PTPRR: variants seen among roughly 807,000 people sequenced by gnomAD.
PTPRR encodes the protein receptor-type tyrosine-protein phosphatase R.
A neutral mutation model predicts 77.2 loss-of-function variants in PTPRR; 38 were observed. The ratio of observed to expected loss-of-function variants is 0.49; its 90% CI spans 0.38 to 0.65. The LOEUF (loss-of-function observed/expected upper bound fraction) is 0.65, where lower values mean the gene tolerates loss of function less well. Among genes scored for constraint, PTPRR ranks in the 30% least tolerant of loss-of-function variants. The probability of loss-of-function intolerance (pLI) is 0.00; values close to 1 mark genes in which losing one functional copy is unlikely to be tolerated. For missense variants in PTPRR, 744 were observed against 799.2 expected (o/e 0.93, Z 0.83); for synonymous variants, 299 against 283.1 (o/e 1.06, Z -0.57).
chr12:70,712,755 A>G (rs1466911896), intron 6 of PTPRR, among the ~76,000 whole-genome samples: 1 of 152,040 alleles, frequency 6.6e-6, no homozygotes, highest in Admixed American at 6.6e-5. Flanking sequence ...CTAAATTAGC[A>G]TGCTTTAACC....
intron 2 of PTPRR, among the ~76,000 whole-genome samples, chr12:70,877,764 G>A (rs558339707): frequency 2.0e-5 from 3 of 152,184 alleles, no homozygotes; most frequent in South Asian, 4.2e-4. Flanking sequence ...AAGTTCATAT[G>A]GAACCAAAAA....
chr12:70,817,219 T>C (rs1263739287), intron 2 of PTPRR, among the ~76,000 whole-genome samples: 1 of 152,174 alleles, frequency 6.6e-6, no homozygotes, highest in African/African-American at 2.4e-5. Flanking sequence ...TTAATGTGTT[T>C]TAAAAGTTTT....
chr12:70,784,456 C>A (rs1206624631), intron 2 of PTPRR, among the ~76,000 whole-genome samples: 1 of 152,176 alleles, frequency 6.6e-6, no homozygotes, highest in Non-Finnish European at 1.5e-5. Context: ...TCCGGAGCTC[C>A]CCCTGTGGCC....
At chr12:70,830,795 T>A (rs1892198780) in intron 2 of PTPRR, among the ~76,000 whole-genome samples, 1 of 152,186 alleles carries the variant, frequency 6.6e-6, no homozygotes, top group Non-Finnish European at 1.5e-5. Flanking sequence ...GGGCTCTGAG[T>A]TCTCTATGCA....
intron 6 of PTPRR, among the ~76,000 whole-genome samples, chr12:70,708,633 C>G (rs996925935): frequency 1.3e-5 from 2 of 151,364 alleles, no homozygotes; most frequent in African/African-American, 4.9e-5. Context: ...GTTTCCCTTT[C>G]AACAAAATAA....
intron 13 of PTPRR, among the ~76,000 whole-genome samples, chr12:70,644,633 G>A (rs1356754845): frequency 6.6e-6 from 1 of 152,168 alleles, no homozygotes; most frequent in Non-Finnish European, 1.5e-5. Flanking sequence ...ACATAGCCAA[G>A]CACATATCAA....
intron 2 of PTPRR, among the ~76,000 whole-genome samples, chr12:70,802,170 AAAAT>A (rs1175654045): frequency 1.1e-4 from 16 of 152,360 alleles, no homozygotes; most frequent in African/African-American, 3.4e-4. Context: ...TCATTGAAAT[AAAAT>A]AAATAATACT....
At chr12:70,842,518 C>T (rs183913328) in intron 2 of PTPRR, among the ~76,000 whole-genome samples, 2 of 152,294 alleles carry the variant, frequency 1.3e-5, no homozygotes, top group Admixed American at 6.5e-5. Context: ...TTCCTCCCCC[C>T]AAAAATGGAG....
intron 2 of PTPRR, among the ~76,000 whole-genome samples, chr12:70,815,877 C>T (rs1389532162): frequency 1.3e-5 from 2 of 152,134 alleles, no homozygotes; most frequent in Non-Finnish European, 2.9e-5. Flanking sequence ...TAGTTAACTT[C>T]CAAGTGCTAT....
chr12:70,667,616 C>T (rs1448378599), intron 10 of PTPRR, among the ~76,000 whole-genome samples: 1 of 152,136 alleles, frequency 6.6e-6, no homozygotes, highest in African/African-American at 2.4e-5. Flanking sequence ...TCTTTGCTTC[C>T]TGTTGAATCT....
intron 2 of PTPRR, among the ~76,000 whole-genome samples, chr12:70,864,984 T>TC (rs1432936757): frequency 6.6e-5 from 10 of 152,184 alleles, no homozygotes; most frequent in African/African-American, 2.2e-4. Flanking sequence ...GCTAATTTTT[T>TC]TTGTATTTTT....
intron 6 of PTPRR, among the ~76,000 whole-genome samples, chr12:70,723,800 A>G (rs151159647): frequency 5.7e-4 from 87 of 152,230 alleles, no homozygotes; most frequent in African/African-American, 2.0e-3. Flanking sequence ...GCATGGCCCA[A>G]CTCAATTTTA....
At chr12:70,683,368 A>G (rs2136731172) in intron 10 of PTPRR, among the ~76,000 whole-genome samples, 1 of 152,322 alleles carries the variant, frequency 6.6e-6, no homozygotes, top group African/African-American at 2.4e-5. Flanking sequence ...ATAATGCAAA[A>G]TACAGAATAA....
intron 2 of PTPRR, among the ~76,000 whole-genome samples, chr12:70,891,278 C>T (rs905974351): frequency 2.0e-5 from 3 of 152,092 alleles, no homozygotes; most frequent in African/African-American, 7.2e-5. Context: ...CAAGATAGAA[C>T]AAGCCTCTTG....
At chr12:70,768,895 C>A (rs1415115235) in intron 2 of PTPRR, among the ~76,000 whole-genome samples, 2 of 151,342 alleles carry the variant, frequency 1.3e-5, no homozygotes, top group Non-Finnish European at 2.9e-5. Flanking sequence ...ATAAACAGAG[C>A]CAAAGACAAA....
rs190501807 is a variant in PTPRR at position 70,766,145 on chromosome 12, C to T, written c.358-1367G>A. On this transcript the variant is annotated intron_variant, in intron 2 of 13. Coordinates refer to ENST00000283228, the MANE Select transcript of PTPRR (RefSeq NM_002849.4). ...AAGGAACACAGCTCCTCACCAGCAA[C>T]GGAACAAAGCTGGACAGAGAATGAC... 1.3e-3 allele frequency among the ~76,000 whole-genome samples: 195 copies of T among 152,208 alleles called. 2 individuals carry two copies. The highest frequency in any genetic ancestry group is 8.6e-3 in the Admixed American group (131 of 15,294).
At chr12:70,743,095 G>A (rs142328796) in intron 6 of PTPRR, among the ~76,000 whole-genome samples, 83 of 152,268 alleles carry the variant, frequency 5.5e-4, no homozygotes, top group African/African-American at 1.9e-3. Flanking sequence ...AGTGGCCATG[G>A]TTGGGTGATT....
intron 13 of PTPRR, among the ~76,000 whole-genome samples, chr12:70,645,295 G>A (rs1173958137): frequency 6.6e-6 from 1 of 152,164 alleles, no homozygotes; most frequent in African/African-American, 2.4e-5. Flanking sequence ...AGGTATTTAG[G>A]TATTTATCTA....
chr12:70,764,846 C>G, intron 2 of PTPRR, 68 bp from the exon 3 acceptor site: 2 of 1,137,542 alleles, frequency 1.8e-6, no homozygotes, highest in South Asian at 2.6e-5. Context: ...AGAATACATC[C>G]AAATAAGTAT....
Sources: allele counts gnomAD v4.1 joint callset (sites outside exome capture counted in the v4.1 genomes callset), GRCh38; gene constraint gnomAD v4.1.1; transcripts MANE v1.5; gene names NCBI Gene and HGNC (gene_info 2026-07-23, HGNC 2026-07-21).